Variants in PLXNA4 observed in about 807,000 individuals in gnomAD.
PLXNA4 encodes plexin-A4.
PLXNA4 carries 44 observed loss-of-function variants against 191.8 expected under a neutral mutation model. The observed-to-expected ratio is 0.23, with a 90% confidence interval of 0.18 to 0.29. The LOEUF is 0.29. Among genes scored for constraint, PLXNA4 ranks in the 10% least tolerant of loss-of-function variants. The pLI is 1.00. For missense variants in PLXNA4, 1,800 were observed against 2,488.8 expected, an observed-to-expected ratio of 0.72 and a Z score of 5.89; for synonymous variants, 1,082 against 1,009.5, an observed-to-expected ratio of 1.07 and a Z score of -1.36.
chr7:132,497,826 G>A (rs1419638433), intron 2 of PLXNA4, among the ~76,000 whole-genome samples: 2 of 152,138 alleles, frequency 1.3e-5, no homozygotes, highest in Non-Finnish European at 2.9e-5. Flanking sequence ...TGGAGTGAGG[G>A]CTCATACACT....
chr7:132,315,188 A>G (rs1159166309), intron 3 of PLXNA4, among the ~76,000 whole-genome samples: 1 of 151,950 alleles, frequency 6.6e-6, no homozygotes, highest in Non-Finnish European at 1.5e-5. Context: ...AGGGGCTTTC[A>G]CTCCGGTCTG....
intron 2 of PLXNA4, among the ~76,000 whole-genome samples, chr7:132,593,543 G>A (rs1802644527): frequency 1.3e-5 from 2 of 152,198 alleles, no homozygotes; most frequent in South Asian, 4.1e-4. Context: ...CCAGGAGGAT[G>A]GCTCAGGAGA....
At chr7:132,256,673 C>T (rs1487970530) in intron 4 of PLXNA4, among the ~76,000 whole-genome samples, 3 of 152,192 alleles carry the variant, frequency 2.0e-5, no homozygotes, top group Non-Finnish European at 2.9e-5. Context: ...CTCTGAGCAG[C>T]AAAATCAAAA....
chr7:132,294,671 C>T (rs990376181), intron 4 of PLXNA4, among the ~76,000 whole-genome samples: 4 of 151,992 alleles, frequency 2.6e-5, no homozygotes, highest in East Asian at 1.9e-4. Flanking sequence ...TTGTAGAGTC[C>T]GTAGAATTAT....
At chr7:132,522,866 C>T (rs1340904582) in intron 1 of PLXNA4, among the ~76,000 whole-genome samples, 2 of 152,072 alleles carry the variant, frequency 1.3e-5, no homozygotes, top group Non-Finnish European at 2.9e-5. Context: ...TCTAGAAGGC[C>T]CATGATAAAT....
chr7:132,568,806 A>G (rs1801848818), intron 1 of PLXNA4, among the ~76,000 whole-genome samples: 1 of 152,238 alleles, frequency 6.6e-6, no homozygotes, highest in Non-Finnish European at 1.5e-5. Context: ...CACATCAATC[A>G]GTGGTTAGGG....
At chr7:132,477,778 T>C (rs578010197) in intron 3 of PLXNA4, among the ~76,000 whole-genome samples, 4 of 152,346 alleles carry the variant, frequency 2.6e-5, no homozygotes, top group African/African-American at 9.6e-5. Flanking sequence ...CTGTATTTTC[T>C]ATGTGAAGAA....
chr7:132,135,588 G>T (rs1486133504), intron 30 of PLXNA4, among the ~76,000 whole-genome samples: 1 of 152,200 alleles, frequency 6.6e-6, no homozygotes, highest in Non-Finnish European at 1.5e-5. Flanking sequence ...CCAGCATTCT[G>T]CCTTCACAGT....
At chr7:132,444,944 A>T (rs549611619) in intron 3 of PLXNA4, among the ~76,000 whole-genome samples, 1 of 151,836 alleles carries the variant, frequency 6.6e-6, no homozygotes, top group Non-Finnish European at 1.5e-5. Flanking sequence ...CGGGCGGATC[A>T]TGAGGTCAGG....
At chr7:132,352,595 C>T (rs1487901973) in intron 3 of PLXNA4, among the ~76,000 whole-genome samples, 1 of 152,134 alleles carries the variant, frequency 6.6e-6, no homozygotes, top group Non-Finnish European at 1.5e-5. Context: ...CGTGGTAGAA[C>T]CTGAATACAG....
At chr7:132,496,431 C>T (rs780226654) in intron 2 of PLXNA4, among the ~76,000 whole-genome samples, 1 of 152,008 alleles carries the variant, frequency 6.6e-6, no homozygotes, top group Non-Finnish European at 1.5e-5. Context: ...TAGATGGAGT[C>T]CTGCTCTGTT....
intron 30 of PLXNA4, 87 bp downstream of exon 30, chr7:132,140,511 TG>T (rs1795237339): frequency 1.3e-6 from 2 of 1,529,716 alleles, no homozygotes; most frequent in Non-Finnish European, 1.8e-6. Flanking sequence ...GAAACACAGC[TG>T]GTTTTTGATG....
intron 2 of PLXNA4, among the ~76,000 whole-genome samples, chr7:132,617,454 T>G (rs1459021344): frequency 6.6e-6 from 1 of 152,214 alleles, no homozygotes; most frequent in Admixed American, 6.5e-5. Flanking sequence ...GAAAAATGCC[T>G]CTGTATTCCC....
intron 3 of PLXNA4, among the ~76,000 whole-genome samples, chr7:132,459,977 T>C (rs1585166682): frequency 1.4e-5 from 2 of 140,864 alleles, no homozygotes; most frequent in African/African-American, 5.2e-5. Context: ...CACATCAGCA[T>C]ATAATACCAG....
At position 132,130,250 on chromosome 7, in the gene PLXNA4, C is replaced by T; in HGVS notation, c.*229G>A. 1 of 560,698 alleles carries T rather than the reference C, an allele frequency of 1.8e-6. No individual in the cohort carries two copies. The highest frequency in any genetic ancestry group is 3.4e-5 in the East Asian group (1 of 29,168). The allele number at this position is 560,698 out of a possible 1,614,324, so 34.7% of individuals were successfully genotyped here. A position where few individuals can be genotyped will look rare whatever the true frequency, so the allele number is the denominator to read the frequency against. The stretch of plus-strand genomic sequence containing the variant: ...TGCCATGGGCCTGGCCATTCTTGGA[C>T]TAACTGAGGGTCAGTGGCTTGGTCC... On this transcript the variant is annotated 3_prime_UTR_variant, in exon 32 of 32. Transcript: ENST00000321063.
At chr7:132,466,644 C>T (rs1025074452) in intron 3 of PLXNA4, among the ~76,000 whole-genome samples, 1 of 152,164 alleles carries the variant, frequency 6.6e-6, no homozygotes, top group Non-Finnish European at 1.5e-5. Flanking sequence ...TGAAGTTCCC[C>T]TGGTGGCAGT....
At chr7:132,574,637 G>GAATAA (rs1364584379) in intron 1 of PLXNA4, among the ~76,000 whole-genome samples, 4 of 152,210 alleles carry the variant, frequency 2.6e-5, no homozygotes, top group Admixed American at 1.3e-4. Flanking sequence ...TCTCCATTGT[G>GAATAA]AGAGATTTGC....
chr7:132,593,205 C>T lies in PLXNA4; in HGVS notation c.-87+52723G>A, dbSNP rs1368129944. The stretch of plus-strand genomic sequence containing the variant: ...GTTTACCCACACAATTGACGCGCAG[C>T]GTGGGCTGTTGTGGAATCTAAATTA... On this transcript the variant is annotated intron_variant, in intron 2 of 4. Transcript: ENST00000378539. Among the ~76,000 whole-genome samples, 5 of 152,222 alleles carry T rather than the reference C, an allele frequency of 3.3e-5. No individual in the cohort carries two copies. The East Asian group carries it at 5.8e-4, about 18-fold the overall frequency.
At chr7:132,226,963 G>A (rs1358229544) in intron 7 of PLXNA4, among the ~76,000 whole-genome samples, 2 of 152,214 alleles carry the variant, frequency 1.3e-5, no homozygotes, top group Non-Finnish European at 2.9e-5. Flanking sequence ...TGGAGCCTCT[G>A]CCCACTCCTG....
Sources: gnomAD v4.1 joint callset for allele counts (sites outside exome capture counted in the v4.1 genomes callset) on GRCh38, gnomAD v4.1.1 for gene constraint, MANE v1.5 for transcripts, NCBI Gene and HGNC (gene_info 2026-07-23, HGNC 2026-07-21) for gene names.